Variants in NEBL observed in about 807,000 individuals in gnomAD.
NEBL encodes LIM and SH3 protein 2.
In NEBL, 122 loss-of-function variants were observed where a neutral mutation model predicts 140.2. The observed-to-expected ratio is 0.87, with a 90% CI of 0.75 to 1.01. The LOEUF (loss-of-function observed/expected upper bound fraction) is 1.01. NEBL is among the 50% of genes least tolerant of loss of function. NEBL has a pLI of 0.00. For synonymous variants in NEBL, 436 were observed against 398.9 expected, an observed-to-expected ratio of 1.09 and a Z score of -1.11; for missense variants, 1,365 against 1,231.3, an observed-to-expected ratio of 1.11 and a Z score of -1.62.
Position 20,885,372 on chromosome 10 carries a change from AG to A in NEBL, c.369+2724del, listed in dbSNP as rs1409904732. Among the ~76,000 whole-genome samples, 4 of 152,338 alleles carry A rather than the reference AG, an allele frequency of 2.6e-5. No homozygotes were observed. The East Asian group carries it at 7.7e-4, about 29-fold the overall frequency. ...TCTTTGAAGTAGCCGCCTTATTCAA[AG>A]TCTAGGTTTTTCTTTATTAATAAGT... On this transcript the variant is annotated intron_variant, in intron 4 of 27. Coordinates refer to ENST00000377122, the MANE Select transcript of NEBL (RefSeq NM_006393.3).
intron 4 of NEBL, among the ~76,000 whole-genome samples, chr10:20,928,241 AT>A (rs770237253): frequency 1.3e-5 from 2 of 152,226 alleles, no homozygotes; most frequent in Non-Finnish European, 2.9e-5. Context: ...CAGTAACTGA[AT>A]TGAGTATCAG....
chr10:20,799,182 G>A (rs1223879688), intron 26 of NEBL, among the ~76,000 whole-genome samples: 1 of 152,174 alleles, frequency 6.6e-6, no homozygotes, highest in African/African-American at 2.4e-5. Context: ...TTGAGGCAGA[G>A]TCTTGCTCCG....
At chr10:21,048,731 C>T (rs1460799970) in intron 2 of NEBL, among the ~76,000 whole-genome samples, 1 of 152,136 alleles carries the variant, frequency 6.6e-6, no homozygotes, top group East Asian at 1.9e-4. Flanking sequence ...CACAGAGGCT[C>T]ATGCTTGTAA....
At chr10:21,065,959 C>T (rs1044335222) in intron 2 of NEBL, among the ~76,000 whole-genome samples, 2 of 152,254 alleles carry the variant, frequency 1.3e-5, no homozygotes, top group African/African-American at 4.8e-5. Flanking sequence ...CACCTCTCTT[C>T]AACCTGGTTA....
rs755557107 is a variant in NEBL at position 20,828,548 on chromosome 10, A to G, written c.1758T>C (p.Thr586=). 6.3e-7 allele frequency: 1 copy of G among 1,586,930 alleles called. No individual in the cohort carries two copies. Among genetic ancestry groups the G allele is most frequent in the South Asian group, 1.1e-5 (1 of 90,478 alleles). Residue 586 remains threonine (T), a synonymous_variant, in exon 17 of 28, where the codon ACT becomes ACC. Transcript: ENST00000377122. ...TACTCACCGCACTAATGTTTTGTTGAGTTGTCTTAATTCTCTGAATTTCAG... is the reference window on the plus strand; with the variant it reads ...TACTCACCGCACTAATGTTTTGTTGGGTTGTCTTAATTCTCTGAATTTCAG... ...DTPEIQRIKT[T]QQNISAVFYK... is the part of the protein sequence containing the mutation.
intron 6 of NEBL, 68 bp from the exon 7 acceptor site, chr10:20,868,833 C>T: frequency 2.4e-6 from 2 of 826,834 alleles, no homozygotes; most frequent in Non-Finnish European, 1.8e-6. Flanking sequence ...TTGACATTAG[C>T]CAAAAAAAAA....
chr10:20,864,528 G>A (rs1239752296), intron 7 of NEBL, among the ~76,000 whole-genome samples: 1 of 152,134 alleles, frequency 6.6e-6, no homozygotes, highest in Admixed American at 6.5e-5. Flanking sequence ...TTCACTCTCT[G>A]TTCCCATCCT....
chr10:21,270,992 A>C (rs935146186), intron 1 of NEBL, among the ~76,000 whole-genome samples: 1 of 152,182 alleles, frequency 6.6e-6, no homozygotes, highest in African/African-American at 2.4e-5. Flanking sequence ...AAATAGAATT[A>C]CCATATCATC....
At chr10:20,997,569 A>G (rs956388604) in intron 3 of NEBL, among the ~76,000 whole-genome samples, 1 of 149,046 alleles carries the variant, frequency 6.7e-6, no homozygotes, top group Non-Finnish European at 1.5e-5. Flanking sequence ...GCAATGCACT[A>G]TGGATTAAAG....
intron 2 of NEBL, among the ~76,000 whole-genome samples, chr10:21,164,913 G>A (rs1840700722): frequency 6.6e-6 from 1 of 152,200 alleles, no homozygotes; most frequent in African/African-American, 2.4e-5. Context: ...TTTTCCATGA[G>A]GTATGTAACT....
chr10:20,942,544 C>T (rs1019285827), intron 4 of NEBL, among the ~76,000 whole-genome samples: 1 of 152,180 alleles, frequency 6.6e-6, no homozygotes, highest in Non-Finnish European at 1.5e-5. Context: ...GACTTCATGT[C>T]TAAAACACCA....
chr10:21,169,558 C>G (rs1008007565), intron 2 of NEBL, among the ~76,000 whole-genome samples: 1 of 152,134 alleles, frequency 6.6e-6, no homozygotes, highest in Admixed American at 6.5e-5. Context: ...CCTTTTCAGA[C>G]TACAGACTGA....
At chr10:20,950,281 A>G (rs770800511) in intron 4 of NEBL, among the ~76,000 whole-genome samples, 3 of 152,260 alleles carry the variant, frequency 2.0e-5, no homozygotes, top group Non-Finnish European at 2.9e-5. Context: ...AGATCTCAAA[A>G]GTGGTATCAT....
chr10:21,155,060 G>A (rs758837435), intron 2 of NEBL, among the ~76,000 whole-genome samples: 4 of 152,080 alleles, frequency 2.6e-5, no homozygotes, highest in Admixed American at 1.3e-4. Flanking sequence ...TTAGCCAGGG[G>A]TGATGGTGCA....
chr10:21,210,263 A>T (rs1045528787), intron 3 of NEBL, among the ~76,000 whole-genome samples: 2 of 152,096 alleles, frequency 1.3e-5, no homozygotes, highest in East Asian at 3.9e-4. Flanking sequence ...GTGTGGTGGC[A>T]GGCGCCTGTA....
At chr10:21,264,726 A>C (rs1842778401) in intron 1 of NEBL, among the ~76,000 whole-genome samples, 1 of 145,342 alleles carries the variant, frequency 6.9e-6, no homozygotes, top group Non-Finnish European at 1.5e-5. Context: ...AAAAAAAAAA[A>C]AAAAAAAGCC....
intron 3 of NEBL, among the ~76,000 whole-genome samples, chr10:21,202,625 G>A (rs1203483310): frequency 6.6e-6 from 1 of 151,840 alleles, no homozygotes; most frequent in Non-Finnish European, 1.5e-5. Context: ...ACCATGCCCG[G>A]CTAATTTTTT....
At chr10:20,884,272 T>A (rs1449976247) in intron 4 of NEBL, among the ~76,000 whole-genome samples, 3 of 152,214 alleles carry the variant, frequency 2.0e-5, no homozygotes, top group Non-Finnish European at 4.4e-5. Flanking sequence ...AGATGGAGTC[T>A]CACTATGTTG....
At chr10:21,223,080 A>C (rs140782238) in intron 3 of NEBL, among the ~76,000 whole-genome samples, 2,711 of 152,288 alleles carry the variant, frequency 0.018, 75 homozygotes, top group African/African-American at 0.061. Context: ...TTATTTTTAA[A>C]TGTACAATAA....
Sources: gnomAD v4.1 joint callset for allele counts (sites outside exome capture counted in the v4.1 genomes callset) on GRCh38, gnomAD v4.1.1 for gene constraint, MANE v1.5 for transcripts, NCBI Gene and HGNC (gene_info 2026-07-23, HGNC 2026-07-21) for gene names.